Variants in ADPRHL1 observed in about 807,000 individuals in gnomAD.
ADPRHL1 encodes inactive ADP-ribosyltransferase ARH2.
In ADPRHL1, 43 loss-of-function variants were observed where a neutral mutation model predicts 44.1. That is an observed-to-expected ratio of 0.98 (90% CI 0.76 to 1.26). The LOEUF (loss-of-function observed/expected upper bound fraction) is 1.26. ADPRHL1 is among the 50% of genes most tolerant of loss of function. The pLI is 0.00. For synonymous variants in ADPRHL1, 878 were observed against 1,017.4 expected (o/e 0.86, Z 2.61); for missense variants, 2,022 against 2,496.9 (o/e 0.81, Z 4.05).
chr13:113,404,828 T>TG lies in ADPRHL1; in HGVS notation c.4453dup (p.Gln1485ProfsTer339). 1 of 1,251,160 alleles carries TG rather than the reference T, an allele frequency of 8.0e-7. No homozygotes were observed. Among genetic ancestry groups the TG allele is most frequent in the East Asian group, 3.1e-5 (1 of 31,802 alleles). The allele number at this position is 1,251,160 out of a possible 1,614,324, so 77.5% of individuals were successfully genotyped here. Reference sequence around the variant, plus strand: ...CTGAACCTGTTTCTGGGCCTGTCCTTGGGCTGCCGGGCTTCCCGGCCCCTC... The same window carrying TG: ...CTGAACCTGTTTCTGGGCCTGTCCTTGGGGCTGCCGGGCTTCCCGGCCCCTC... On this transcript the variant is annotated frameshift_variant, in exon 8 of 8. Transcript: ENST00000612156. LOFTEE classifies it low-confidence loss of function (END_TRUNC).
chr13:113,415,535 G>A (rs1355979004), intron 7 of ADPRHL1, among the ~76,000 whole-genome samples: 1 of 152,130 alleles, frequency 6.6e-6, no homozygotes, highest in Non-Finnish European at 1.5e-5. Context: ...GGCGGATCAC[G>A]AGGTCAGGAG....
intron 7 of ADPRHL1, among the ~76,000 whole-genome samples, chr13:113,411,243 A>C (rs2043850549): frequency 6.6e-6 from 1 of 152,150 alleles, no homozygotes; most frequent in South Asian, 2.1e-4. Flanking sequence ...GGATGAAGAG[A>C]GTAATGGAGC....
At position 113,416,135 on chromosome 13, in the gene ADPRHL1, T is replaced by C. The variant is rs149532417; in HGVS notation, c.1061+6691A>G. On this transcript the variant is annotated intron_variant, in intron 7 of 7. Transcript: ENST00000612156. ...TCTATCTAGTAAAGCCGAGAACAAG[T>C]GTTTGCTAACTGCTCCCTGTTGATT... is the stretch of plus-strand genomic sequence containing the variant. Among the ~76,000 whole-genome samples the C allele has an allele frequency of 5.3e-5, 8 of 151,480 alleles. No individual in the cohort carries two copies. In the East Asian group the frequency reaches 1.5e-3, roughly 29 times the overall value.
chr13:113,413,743 C>G (rs1042271614), intron 7 of ADPRHL1, among the ~76,000 whole-genome samples: 1 of 152,246 alleles, frequency 6.6e-6, no homozygotes, highest in Non-Finnish European at 1.5e-5. Context: ...GACCGCTGCC[C>G]GCCCAGCAGT....
intron 7 of ADPRHL1, among the ~76,000 whole-genome samples, chr13:113,419,280 ATT>A (rs33995150): frequency 1.2e-3 from 132 of 106,492 alleles, no homozygotes; most frequent in African/African-American, 4.9e-3. Flanking sequence ...TAATTTTTGT[ATT>A]TTTTTTTTTT....
At chr13:113,447,062 T>G (rs1434891933) in intron 1 of ADPRHL1, among the ~76,000 whole-genome samples, 2 of 149,222 alleles carry the variant, frequency 1.3e-5, no homozygotes, top group South Asian at 4.3e-4. Context: ...TGTGTGTGCA[T>G]GGTGTCTACA....
At chr13:113,446,627 C>G (rs1219634207) in intron 1 of ADPRHL1, among the ~76,000 whole-genome samples, 1 of 152,110 alleles carries the variant, frequency 6.6e-6, no homozygotes, top group Non-Finnish European at 1.5e-5. Flanking sequence ...GTGTTGCCAA[C>G]ACACCTGGTG....
chr13:113,404,545 C>A lies in ADPRHL1; in HGVS notation c.4737G>T (p.Gln1579His). 3 of 1,297,192 alleles carry A rather than the reference C, an allele frequency of 2.3e-6. No individual in the cohort carries two copies. The highest frequency in any genetic ancestry group is 2.9e-6 in the Non-Finnish European group (3 of 1,027,140). 80.4% of individuals were successfully genotyped at this position (1,297,192 alleles called of 1,614,324 possible). The change falls in exon 8 of 8, where the codon CAG (glutamine) becomes CAT (histidine). Residue 1579 changes from glutamine (Q) to histidine (H), a missense_variant. Gln to His is a conservative substitution (Grantham distance 24). Coordinates refer to ENST00000612156, the MANE Select transcript of ADPRHL1 (RefSeq NM_001394807.1). ...CCCATTTCTGGGCCTGTCCCTGAACCTGTCCCTGGGCCCCACCCTGAGCTG... is the reference window on the plus strand; with the variant it reads ...CCCATTTCTGGGCCTGTCCCTGAACATGTCCCTGGGCCCCACCCTGAGCTG... Reference protein sequence around the residue: ...QEPAQGGAQGQVQGQAQKWAQ... With the variant: ...QEPAQGGAQGHVQGQAQKWAQ...
intron 7 of ADPRHL1, among the ~76,000 whole-genome samples, chr13:113,421,181 T>C (rs1364991450): frequency 1.7e-4 from 2 of 11,586 alleles, no homozygotes; most frequent in African/African-American, 7.6e-4. Flanking sequence ...AGGACACGCC[T>C]ACCCCTGGGA....
rs2043809649 is a variant in ADPRHL1 at position 113,406,496 on chromosome 13, G to A, written c.2786C>T (p.Ala929Val). ...GPRAAPRLAA[A>V]RGAVGADHSV... Reference sequence around the variant, plus strand: ...GTGGTCGGCGCCCACAGCCCCTCTTGCTGCTGCCAGACGCGGAGCTGCCCG... The same window carrying A: ...GTGGTCGGCGCCCACAGCCCCTCTTACTGCTGCCAGACGCGGAGCTGCCCG... The change falls in exon 8 of 8, where the codon GCA (alanine) becomes GTA (valine). Residue 929 changes from alanine to valine, a missense_variant. Coordinates refer to ENST00000612156, the MANE Select transcript of ADPRHL1 (RefSeq NM_001394807.1). The A allele has an allele frequency of 8.1e-7, 1 of 1,231,886 alleles. No individual in the cohort carries two copies. Among genetic ancestry groups the A allele is most frequent in the Non-Finnish European group, 1.0e-6 (1 of 988,000 alleles). 76.3% of individuals were successfully genotyped at this position (1,231,886 alleles called of 1,614,324 possible). A position where few individuals can be genotyped will look rare whatever the true frequency, so the allele number is the denominator to read the frequency against.
rs984728602 is a variant in ADPRHL1, at chr13:113,441,435, T to C, written c.379+2990A>G. Among the ~76,000 whole-genome samples the C allele has an allele frequency of 2.0e-5, 3 of 152,144 alleles. No individual in the cohort carries two copies. Among genetic ancestry groups the C allele is most frequent in the South Asian group, 2.1e-4 (1 of 4,830 alleles). ...TCTTCTGTGATTTCAGCGGTGGCTT[T>C]TGGGTTCATGGTGTCCGTCTGCAGC... is the stretch of plus-strand genomic sequence containing the variant. On this transcript the variant is annotated intron_variant, in intron 2 of 7. Coordinates refer to ENST00000612156, the MANE Select transcript of ADPRHL1 (RefSeq NM_001394807.1). The surrounding 1 kb of genome is among the most constrained non-coding windows in gnomAD (Gnocchi z 6.0).
At chr13:113,424,371 G>A (rs780677270) in intron 5 of ADPRHL1, 22 bp from the exon 6 acceptor site, 24 of 1,612,178 alleles carry the variant, frequency 1.5e-5, no homozygotes, top group African/African-American at 1.3e-4. Context: ...GCCGTGGGTC[G>A]GGGCGTGTGC....
At chr13:113,443,612 C>T (rs1051231795) in intron 2 of ADPRHL1, among the ~76,000 whole-genome samples, 2 of 151,614 alleles carry the variant, frequency 1.3e-5, no homozygotes, top group African/African-American at 2.4e-5. Flanking sequence ...GAGTGAGACC[C>T]TGTCTACAAA....
intron 3 of ADPRHL1, among the ~76,000 whole-genome samples, chr13:113,430,611 G>C (rs1057167434): frequency 6.6e-5 from 10 of 152,158 alleles, no homozygotes; most frequent in African/African-American, 2.4e-4. Context: ...ATCATGTGGA[G>C]GAACTGGTGA....
chr13:113,420,864 GCCCCAGGACCCGCCCAC>G (rs2043912584), intron 7 of ADPRHL1, among the ~76,000 whole-genome samples: 3 of 137,154 alleles, frequency 2.2e-5, no homozygotes, highest in Admixed American at 7.2e-5. Context: ...GACACACCTA[GCCCCAGGACCCGCCCAC>G]CCCCGGGACC....
intron 5 of ADPRHL1, 94 bp downstream of exon 5, chr13:113,424,954 CCATT>C (rs2043957351): frequency 2.8e-6 from 4 of 1,436,730 alleles, no homozygotes; most frequent in Middle Eastern, 3.6e-4. Flanking sequence ...ATCCATCCAT[CCATT>C]CACCTACCCA....
At chr13:113,420,911 C>G (rs1453791147) in intron 7 of ADPRHL1, among the ~76,000 whole-genome samples, 2 of 137,264 alleles carry the variant, frequency 1.5e-5, no homozygotes, top group African/African-American at 5.4e-5. Context: ...CGGGACACCA[C>G]TACCCCTGGG....
rs917723793 is a variant in ADPRHL1 at position 113,405,207 on chromosome 13, C to T, written c.4075G>A (p.Glu1359Lys). The change falls in exon 8 of 8, where the codon GAG becomes AAG. Residue 1359 changes from glutamate (E) to lysine (K), a missense_variant. This residue lies in a region of ADPRHL1 where 1,221 missense variants were observed against 1,517.8 expected (regional missense o/e 0.80). Coordinates refer to ENST00000612156, the MANE Select transcript of ADPRHL1 (RefSeq NM_001394807.1). ...TQAKLRASVP[E>K]PRTQAGESQE... ...GATTCACCTGCCTGCGTCCTAGGCT[C>T]GGGGACACTGGCCCGGAGCTTTGCC... The T allele has an allele frequency of 1.7e-5, 21 of 1,231,914 alleles. No homozygotes were observed. Among genetic ancestry groups the T allele is most frequent in the Admixed American group, 1.7e-4 (4 of 23,728 alleles). The allele number at this position is 1,231,914 out of a possible 1,614,324, so 76.3% of individuals were successfully genotyped here.
chr13:113,431,031 G>A (rs2044003344), intron 3 of ADPRHL1, among the ~76,000 whole-genome samples: 1 of 152,228 alleles, frequency 6.6e-6, no homozygotes, highest in African/African-American at 2.4e-5. Context: ...TTGCTGTTTT[G>A]GAGCCATGTT....
Sources: gnomAD v4.1 joint callset for allele counts (sites outside exome capture counted in the v4.1 genomes callset) on GRCh38, gnomAD v4.1.1 for gene constraint, gnomAD v4.1.1 regional missense constraint, Gnocchi (gnomAD v3.1) non-coding constraint, MANE v1.5 for transcripts, NCBI Gene and HGNC (gene_info 2026-07-23, HGNC 2026-07-21) for gene names.